The following BBX variants were observed in gnomAD, a reference collection of about 807,000 sequenced individuals.
BBX encodes the protein BBX high mobility group box domain containing.
A neutral mutation model predicts 100.2 loss-of-function variants in BBX; 30 were observed. The observed-to-expected ratio is 0.30, with a 90% CI of 0.22 to 0.41. BBX has a LOEUF of 0.41. Among genes scored for constraint, BBX ranks in the 10% least tolerant of loss-of-function variants. BBX has a pLI of 1.00. For synonymous variants in BBX, 376 were observed against 388.1 expected, an observed-to-expected ratio of 0.97 and a Z score of 0.37; for missense variants, 1,023 against 1,129.8, an observed-to-expected ratio of 0.91 and a Z score of 1.35.
intron 12 of BBX, among the ~76,000 whole-genome samples, chr3:107,777,079 T>C (rs1411309717): frequency 2.0e-5 from 3 of 152,234 alleles, no homozygotes; most frequent in Non-Finnish European, 4.4e-5. Flanking sequence ...TTTTAAATTA[T>C]GCACCACAAT....
rs1360868814 is a variant in BBX, at chr3:107,693,376, T to G, written c.-9-17076T>G. Reference sequence around the variant, plus strand: ...AGTCCATCTTGAATTGACTTTTGTATAAGGTGTAAGGAAGGGATCCAGTTT... The same window carrying G: ...AGTCCATCTTGAATTGACTTTTGTAGAAGGTGTAAGGAAGGGATCCAGTTT... On this transcript the variant is annotated intron_variant, in intron 3 of 17. Coordinates refer to ENST00000325805, the MANE Select transcript of BBX (RefSeq NM_001142568.3). Among the ~76,000 whole-genome samples, 3 of 151,890 alleles carry G rather than the reference T, an allele frequency of 2.0e-5. No individual in the cohort carries two copies. In the East Asian group the frequency reaches 5.8e-4, roughly 29 times the overall value.
intron 2 of BBX, among the ~76,000 whole-genome samples, chr3:107,637,212 T>C (rs2056900961): frequency 6.6e-6 from 1 of 152,176 alleles, no homozygotes; most frequent in Admixed American, 6.5e-5. Context: ...CAAAGAAATA[T>C]TTTACATGCT....
At chr3:107,680,908 T>C (rs755792442) in intron 3 of BBX, among the ~76,000 whole-genome samples, 1 of 152,242 alleles carries the variant, frequency 6.6e-6, no homozygotes, top group Non-Finnish European at 1.5e-5. Context: ...ATTGCTCTGC[T>C]GACTGGAAAG....
rs1156396951 is a variant in BBX at position 107,737,884 on chromosome 3, GTTTTTTTT to G, written c.669+4884_669+4891del. Among the ~76,000 whole-genome samples, 171 of 48,910 alleles carry G rather than the reference GTTTTTTTT, an allele frequency of 3.5e-3. 4 individuals carry two copies. Among genetic ancestry groups the G allele is most frequent in the Admixed American group, 3.7e-3 (14 of 3,784 alleles). 32.1% of individuals were successfully genotyped at this position (48,910 alleles called of 152,430 possible). ...GGACCAGAAGTACTTCAGAGTTCCA[GTTTTTTTT>G]TTTTTTTTTTTTTTTTTTTTTTAAC... On this transcript the variant is annotated intron_variant, in intron 7 of 17. Coordinates refer to ENST00000325805, the MANE Select transcript of BBX (RefSeq NM_001142568.3).
intron 10 of BBX, among the ~76,000 whole-genome samples, chr3:107,761,056 A>G (rs747196278): frequency 1.3e-5 from 2 of 152,154 alleles, no homozygotes; most frequent in Non-Finnish European, 2.9e-5. Context: ...TCTGAGGCCA[A>G]CAGTCATTGC....
chr3:107,779,018 TATAC>T (rs1244529800), intron 13 of BBX, among the ~76,000 whole-genome samples: 7 of 82,924 alleles, frequency 8.4e-5, no homozygotes, highest in African/African-American at 2.9e-4. Flanking sequence ...TATATATATA[TATAC>T]ACACACACAC....
intron 8 of BBX, among the ~76,000 whole-genome samples, chr3:107,745,105 C>CT: frequency 6.6e-6 from 1 of 151,800 alleles, no homozygotes; most frequent in Non-Finnish European, 1.5e-5. Context: ...TTTTTCTTTT[C>CT]TTTTTTTAGT....
chr3:107,626,192 C>G (rs2056160958), intron 2 of BBX, among the ~76,000 whole-genome samples: 1 of 152,100 alleles, frequency 6.6e-6, no homozygotes, highest in African/African-American at 2.4e-5. Flanking sequence ...GAAACATGTT[C>G]TATATGGGTG....
At chr3:107,748,777 T>G (rs2064829140) in intron 9 of BBX, among the ~76,000 whole-genome samples, 1 of 152,218 alleles carries the variant, frequency 6.6e-6, no homozygotes, top group African/African-American at 2.4e-5. Context: ...TTTCCCTTTT[T>G]ATCCCAACTA....
chr3:107,600,587 T>C (rs2053992484), intron 2 of BBX, among the ~76,000 whole-genome samples: 1 of 152,218 alleles, frequency 6.6e-6, no homozygotes, highest in South Asian at 2.1e-4. Flanking sequence ...GCTTAAATCT[T>C]TGAAACCTTT....
intron 2 of BBX, among the ~76,000 whole-genome samples, chr3:107,610,733 C>G (rs974119168): frequency 4.0e-5 from 6 of 151,180 alleles, no homozygotes; most frequent in Non-Finnish European, 8.8e-5. Context: ...TATTTTCACC[C>G]TTCATGTGTC....
intron 2 of BBX, among the ~76,000 whole-genome samples, chr3:107,586,548 T>G (rs188604779): frequency 6.6e-6 from 1 of 152,194 alleles, no homozygotes; most frequent in Non-Finnish European, 1.5e-5. Flanking sequence ...TCCTATTGGA[T>G]TCTCATCATA....
At chr3:107,755,815 G>A in intron 10 of BBX, 137 bp downstream of exon 10, 1 of 746,764 alleles carries the variant, frequency 1.3e-6, no homozygotes. Context: ...CAATGAGAGG[G>A]TTAACCTTTA....
chr3:107,550,340 A>G (rs770494396), intron 2 of BBX, among the ~76,000 whole-genome samples: 1 of 152,148 alleles, frequency 6.6e-6, no homozygotes, highest in Non-Finnish European at 1.5e-5. Context: ...CAGATGAGGG[A>G]TCGGTAACTT....
chr3:107,558,300 A>G (rs568446117), intron 2 of BBX, among the ~76,000 whole-genome samples: 18 of 152,184 alleles, frequency 1.2e-4, no homozygotes, highest in Non-Finnish European at 2.5e-4. Context: ...CAACCTGGCC[A>G]ATGTGGAGAA....
chr3:107,722,434 C>T (rs865902387), intron 5 of BBX, among the ~76,000 whole-genome samples: 2 of 152,026 alleles, frequency 1.3e-5, no homozygotes, highest in South Asian at 2.1e-4. Context: ...ACTGATTAAA[C>T]TGACTCTTCT....
intron 2 of BBX, among the ~76,000 whole-genome samples, chr3:107,627,860 G>A (rs2056298261): frequency 6.6e-6 from 1 of 151,898 alleles, no homozygotes; most frequent in South Asian, 2.1e-4. Context: ...TTTTTCTTTA[G>A]TATCTGAAAG....
intron 9 of BBX, among the ~76,000 whole-genome samples, chr3:107,753,030 A>G (rs533976055): frequency 6.6e-6 from 1 of 152,304 alleles, no homozygotes; most frequent in East Asian, 1.9e-4. Flanking sequence ...GAGATTACTG[A>G]GAGAGGGTCC....
intron 16 of BBX, among the ~76,000 whole-genome samples, chr3:107,799,098 C>T (rs1260555744): frequency 6.6e-6 from 1 of 151,000 alleles, no homozygotes; most frequent in Non-Finnish European, 1.5e-5. Context: ...TGCAGTGAGC[C>T]GAGATCGCGC....
Sources: allele counts gnomAD v4.1 joint callset (sites outside exome capture counted in the v4.1 genomes callset), GRCh38; gene constraint gnomAD v4.1.1; transcripts MANE v1.5; gene names NCBI Gene and HGNC (gene_info 2026-07-23, HGNC 2026-07-21).